Variants in CRYBG3 observed in about 807,000 individuals in gnomAD.
The protein encoded by CRYBG3 is very large A-kinase anchor protein.
CRYBG3 carries 127 observed loss-of-function variants against 244.2 expected under a neutral mutation model. The ratio of observed to expected loss-of-function variants is 0.52; its 90% CI spans 0.45 to 0.60. The LOEUF is 0.60. CRYBG3 is among the 20% of genes least tolerant of loss of function. The pLI is 0.00. For synonymous variants in CRYBG3, 1,132 were observed against 1,195.8 expected (o/e 0.95, Z 1.10); for missense variants, 3,325 against 3,442.5 (o/e 0.97, Z 0.85).
At chr3:97,836,101 T>C (rs904555591) in intron 1 of CRYBG3, among the ~76,000 whole-genome samples, 2 of 151,994 alleles carry the variant, frequency 1.3e-5, no homozygotes, top group African/African-American at 2.4e-5. Flanking sequence ...GAACAGGAAA[T>C]AAGTCAGCCT....
rs1297532014 is a variant in CRYBG3 at position 97,925,191 on chromosome 3, C to T, written c.8242-8503C>T. On this transcript the variant is annotated intron_variant, in intron 17 of 21. Coordinates refer to ENST00000389622, the MANE Select transcript of CRYBG3 (RefSeq NM_153605.4). ...ATTCAGAAAAATCCACTTCAAAAAC[C>T]AACAGAGGATATAAATAGGCAGTTT... Among the ~76,000 whole-genome samples, 5 of 151,946 alleles carry T rather than the reference C, an allele frequency of 3.3e-5. 1 individual carries two copies. In the East Asian group the frequency reaches 9.7e-4, roughly 30 times the overall value.
chr3:97,938,307 T>C (rs2040186620), intron 19 of CRYBG3, among the ~76,000 whole-genome samples: 3 of 151,976 alleles, frequency 2.0e-5, no homozygotes. Context: ...CTACTATGCT[T>C]TAAAATCTGT....
intron 1 of CRYBG3, among the ~76,000 whole-genome samples, chr3:97,842,260 A>T (rs1484810948): frequency 6.6e-6 from 1 of 152,106 alleles, no homozygotes; most frequent in African/African-American, 2.4e-5. Flanking sequence ...TTGAACAGAG[A>T]TATAAATATT....
Position 97,876,615 on chromosome 3 carries a change from A to C in CRYBG3, c.5421A>C (p.Lys1807Asn), listed in dbSNP as rs2039375820. The C allele has an allele frequency of 8.1e-7, 1 of 1,234,364 alleles. No individual in the cohort carries two copies. The highest frequency in any genetic ancestry group is 1.0e-6 in the Non-Finnish European group (1 of 989,478). The allele number at this position is 1,234,364 out of a possible 1,614,324, so 76.5% of individuals were successfully genotyped here. ...KNTEIVPCVL[K>N]VKEAHETAPA... ...CTGAAATAGTACCGTGTGTGTTAAAAGTGAAGGAAGCACACGAGACAGCAC... is the reference window on the plus strand; with the variant it reads ...CTGAAATAGTACCGTGTGTGTTAAACGTGAAGGAAGCACACGAGACAGCAC... The change falls in exon 4 of 22, where the codon AAA becomes AAC. Residue 1807 changes from lysine to asparagine, a missense_variant. Transcript: ENST00000389622.
At chr3:97,914,242 G>A (rs889755627) in intron 16 of CRYBG3, among the ~76,000 whole-genome samples, 2 of 152,024 alleles carry the variant, frequency 1.3e-5, no homozygotes, top group Non-Finnish European at 2.9e-5. Flanking sequence ...GTTAAATAGA[G>A]ATCTGCAACT....
chr3:97,827,723 C>T (rs1031903431), intron 1 of CRYBG3, among the ~76,000 whole-genome samples: 5 of 152,102 alleles, frequency 3.3e-5, no homozygotes, highest in South Asian at 2.1e-4. Context: ...TCAGAGCAAA[C>T]GTATCTTTAC....
intron 15 of CRYBG3, among the ~76,000 whole-genome samples, chr3:97,906,711 T>C (rs1281175254): frequency 1.3e-5 from 2 of 149,548 alleles, no homozygotes; most frequent in African/African-American, 4.9e-5. Context: ...TTTGACTTCC[T>C]CTTTTCCTAA....
At chr3:97,853,982 A>G (rs888603966) in intron 2 of CRYBG3, among the ~76,000 whole-genome samples, 1 of 152,180 alleles carries the variant, frequency 6.6e-6, no homozygotes, top group Non-Finnish European at 1.5e-5. Context: ...TATTTGATCC[A>G]TCTTGAGTTG....
At chr3:97,833,356 A>G (rs961914640) in intron 1 of CRYBG3, among the ~76,000 whole-genome samples, 14 of 152,236 alleles carry the variant, frequency 9.2e-5, no homozygotes, top group African/African-American at 3.4e-4. Flanking sequence ...AATGTGGCAC[A>G]TATACACCGT....
At chr3:97,864,707 CT>C in intron 3 of CRYBG3, 60 bp downstream of exon 3, 1 of 1,171,748 alleles carries the variant, frequency 8.5e-7, no homozygotes. Flanking sequence ...AGCTTTTGAG[CT>C]TTAGCTTTAA....
intron 7 of CRYBG3, 85 bp from the exon 8 acceptor site, chr3:97,886,546 A>C: frequency 1.1e-6 from 1 of 924,510 alleles, no homozygotes; most frequent in Non-Finnish European, 1.5e-6. Flanking sequence ...TAATGAGAAC[A>C]GTGTAACTGT....
chr3:97,907,981 T>A (rs1012132650), intron 15 of CRYBG3, among the ~76,000 whole-genome samples: 5 of 152,222 alleles, frequency 3.3e-5, no homozygotes, highest in Admixed American at 3.3e-4. Context: ...AACATCTTTA[T>A]TTCTGCCTTC....
intron 2 of CRYBG3, among the ~76,000 whole-genome samples, chr3:97,860,672 C>CA (rs1553703215): frequency 2.0e-5 from 3 of 152,196 alleles, no homozygotes; most frequent in Non-Finnish European, 4.4e-5. Flanking sequence ...TGGCATTTGG[C>CA]ATTCTTGACT....
chr3:97,903,331 A>G (rs1330331952), intron 15 of CRYBG3, among the ~76,000 whole-genome samples: 1 of 152,170 alleles, frequency 6.6e-6, no homozygotes, highest in Non-Finnish European at 1.5e-5. Context: ...TGGCACTTTA[A>G]CCAGATCATT....
intron 12 of CRYBG3, among the ~76,000 whole-genome samples, chr3:97,898,221 GAA>G (rs59823387): frequency 1.1e-4 from 14 of 124,024 alleles, no homozygotes; most frequent in Admixed American, 1.6e-4. Context: ...ACTGCTTCTT[GAA>G]AAAAAAAAAA....
chr3:97,832,251 A>T (rs1258304213), intron 1 of CRYBG3, among the ~76,000 whole-genome samples: 1 of 150,286 alleles, frequency 6.7e-6, no homozygotes. Flanking sequence ...AAAAGAGCCC[A>T]TATAGCCAAG....
intron 1 of CRYBG3, among the ~76,000 whole-genome samples, chr3:97,835,342 G>T (rs895451938): frequency 3.3e-5 from 5 of 152,022 alleles, no homozygotes; most frequent in Non-Finnish European, 7.4e-5. Flanking sequence ...GGTGAGTCTA[G>T]GTAGGGTGGA....
chr3:97,822,313 CG>C lies in CRYBG3; in HGVS notation c.111del (p.Thr38ArgfsTer19). 6.6e-7 allele frequency: 1 copy of C among 1,518,672 alleles called. No homozygotes were observed. Among genetic ancestry groups the C allele is most frequent in the East Asian group, 2.6e-5 (1 of 38,980 alleles). 94.1% of individuals were successfully genotyped at this position (1,518,672 alleles called of 1,614,324 possible). A position where few individuals can be genotyped will look rare whatever the true frequency, so the allele number is the denominator to read the frequency against. On this transcript the variant is annotated frameshift_variant, in exon 1 of 22. Transcript: ENST00000389622. LOFTEE classifies it high-confidence loss of function. ...AAGGAAGAGGAAGAGGAGGAGAGGC[CG>C]GGGACGAGCCCGCCTCCAGCTCCAG... is the stretch of plus-strand genomic sequence containing the variant. The part of the protein sequence containing the change: ...RDKEEEEEER[P>X]GTSPPPAPGR...
intron 2 of CRYBG3, among the ~76,000 whole-genome samples, chr3:97,848,702 A>G (rs1424282793): frequency 6.6e-6 from 1 of 152,240 alleles, no homozygotes. Context: ...CTGGGACTAC[A>G]GACAGGCATA....
Sources: gnomAD v4.1 joint callset for allele counts (sites outside exome capture counted in the v4.1 genomes callset) on GRCh38, gnomAD v4.1.1 for gene constraint, MANE v1.5 for transcripts, NCBI Gene and HGNC (gene_info 2026-07-23, HGNC 2026-07-21) for gene names.